CHST11: variants seen among roughly 807,000 people sequenced by gnomAD.
CHST11 encodes the protein C4S-1.
Under a neutral mutation model 30.4 loss-of-function variants are expected in CHST11, and 9 were observed. That is an observed-to-expected ratio of 0.30 (90% CI 0.18 to 0.52). The LOEUF (loss-of-function observed/expected upper bound fraction) is 0.52. Among genes scored for constraint, CHST11 ranks in the 20% least tolerant of loss-of-function variants. CHST11 has a pLI of 0.97. For synonymous variants in CHST11, 152 were observed against 187.8 expected, an observed-to-expected ratio of 0.81 and a Z score of 1.56; for missense variants, 348 against 460.6, an observed-to-expected ratio of 0.76 and a Z score of 2.24.
chr12:104,518,896 C>T (rs539296760), intron 1 of CHST11, among the ~76,000 whole-genome samples: 1 of 151,708 alleles, frequency 6.6e-6, no homozygotes, highest in South Asian at 2.1e-4. Context: ...TAAGTCCTTT[C>T]ATCTTTGAAA....
intron 2 of CHST11, among the ~76,000 whole-genome samples, chr12:104,746,626 A>G (rs2040390673): frequency 6.6e-6 from 1 of 152,076 alleles, no homozygotes; most frequent in African/African-American, 2.4e-5. Context: ...TTCTGCAGAG[A>G]TTCAGTTGTT....
At chr12:104,700,593 G>C (rs1358262744) in intron 2 of CHST11, among the ~76,000 whole-genome samples, 2 of 152,152 alleles carry the variant, frequency 1.3e-5, no homozygotes, top group Admixed American at 1.3e-4. Flanking sequence ...TGTGTAAGAT[G>C]GGAGGGTTAT....
At chr12:104,684,527 GT>G (rs1021855674) in intron 2 of CHST11, among the ~76,000 whole-genome samples, 5 of 152,204 alleles carry the variant, frequency 3.3e-5, no homozygotes, top group African/African-American at 1.2e-4. Context: ...CCTTTGTTTT[GT>G]TTGATATGGT....
chr12:104,471,583 G>A (rs895661240), intron 1 of CHST11, among the ~76,000 whole-genome samples: 5 of 152,144 alleles, frequency 3.3e-5, no homozygotes, highest in African/African-American at 9.7e-5. Flanking sequence ...GGTTTGCAAC[G>A]GGAGGGTCTG....
intron 2 of CHST11, among the ~76,000 whole-genome samples, chr12:104,753,508 A>G (rs566326628): frequency 2.1e-4 from 32 of 152,344 alleles, no homozygotes; most frequent in Admixed American, 3.9e-4. Context: ...GCCTAGTGTC[A>G]CTTATACTTG....
rs184221502 is a variant in CHST11 at position 104,530,122 on chromosome 12, A to G, written c.119-71784A>G. Among the ~76,000 whole-genome samples, 7 of 152,250 alleles carry G rather than the reference A, an allele frequency of 4.6e-5. No homozygotes were observed. In the East Asian group the frequency reaches 1.2e-3, roughly 25 times the overall value. The stretch of plus-strand genomic sequence containing the variant: ...TGCTGTGAGCCGAGATTGCGCCATT[A>G]TAGTTGAGCCTGGGAGACAGAGTGA... On this transcript the variant is annotated intron_variant, in intron 1 of 2. Transcript: ENST00000303694.
intron 1 of CHST11, among the ~76,000 whole-genome samples, chr12:104,535,732 C>G (rs1337007503): frequency 1.3e-5 from 2 of 152,178 alleles, no homozygotes; most frequent in Non-Finnish European, 2.9e-5. Context: ...TTCATTTAAC[C>G]AGAGCTAACC....
chr12:104,537,898 G>C (rs1186343297), intron 1 of CHST11, among the ~76,000 whole-genome samples: 1 of 151,954 alleles, frequency 6.6e-6, no homozygotes, highest in East Asian at 1.9e-4. Context: ...GTCTTGCTCT[G>C]TTGCCTAGGC....
At chr12:104,702,629 C>T (rs2039998661) in intron 2 of CHST11, among the ~76,000 whole-genome samples, 1 of 152,148 alleles carries the variant, frequency 6.6e-6, no homozygotes, top group African/African-American at 2.4e-5. Context: ...CCCTTTGTCC[C>T]AGTGGTTGAG....
At chr12:104,557,317 C>G (rs796656799) in intron 1 of CHST11, among the ~76,000 whole-genome samples, 7 of 152,212 alleles carry the variant, frequency 4.6e-5, no homozygotes, top group Non-Finnish European at 8.8e-5. Flanking sequence ...CGCTCATCAC[C>G]AGCTGGGAAC....
At chr12:104,563,166 G>A (rs150107414) in intron 1 of CHST11, among the ~76,000 whole-genome samples, 2 of 152,158 alleles carry the variant, frequency 1.3e-5, no homozygotes, top group East Asian at 1.9e-4. Context: ...TCAGCCTCCC[G>A]AGTAGCTGGG....
chr12:104,696,082 G>A (rs2039941934), intron 2 of CHST11, among the ~76,000 whole-genome samples: 1 of 152,074 alleles, frequency 6.6e-6, no homozygotes, highest in Non-Finnish European at 1.5e-5. Flanking sequence ...AACCCCAGGG[G>A]AGCCTCCTAG....
chr12:104,629,227 C>CT (rs1324700353), intron 2 of CHST11, among the ~76,000 whole-genome samples: 1 of 152,204 alleles, frequency 6.6e-6, no homozygotes, highest in Non-Finnish European at 1.5e-5. Flanking sequence ...CGACAACATA[C>CT]TTTTTTTAAA....
chr12:104,706,040 T>G (rs2040030442), intron 2 of CHST11, among the ~76,000 whole-genome samples: 1 of 151,956 alleles, frequency 6.6e-6, no homozygotes, highest in African/African-American at 2.4e-5. Context: ...GAGCTGTGAT[T>G]GCACCACTGC....
intron 2 of CHST11, among the ~76,000 whole-genome samples, chr12:104,637,444 A>G (rs911149404): frequency 1.3e-5 from 2 of 151,866 alleles, no homozygotes; most frequent in African/African-American, 4.8e-5. Flanking sequence ...TATGTAACAA[A>G]CCTGCACGTT....
chr12:104,606,627 C>T (rs1196606250), intron 2 of CHST11, among the ~76,000 whole-genome samples: 6 of 152,160 alleles, frequency 3.9e-5, no homozygotes, highest in African/African-American at 1.4e-4. Flanking sequence ...GAGGCTGGTG[C>T]TTTATTTTTC....
At chr12:104,511,651 A>C (rs2037966988) in intron 1 of CHST11, among the ~76,000 whole-genome samples, 1 of 152,184 alleles carries the variant, frequency 6.6e-6, no homozygotes, top group East Asian at 1.9e-4. Flanking sequence ...TTTTCTGGTC[A>C]ATGGAAGGGA....
chr12:104,667,906 C>A (rs2039656547), intron 2 of CHST11, among the ~76,000 whole-genome samples: 1 of 152,192 alleles, frequency 6.6e-6, no homozygotes, highest in African/African-American at 2.4e-5. Flanking sequence ...CCCATGAGTT[C>A]ATGGTTTTTA....
intron 2 of CHST11, among the ~76,000 whole-genome samples, chr12:104,619,591 G>A (rs1379381884): frequency 1.3e-5 from 2 of 152,064 alleles, no homozygotes; most frequent in African/African-American, 4.8e-5. Context: ...AGAATGATTC[G>A]GGGTCTCTTT....
Sources: allele counts gnomAD v4.1 joint callset (sites outside exome capture counted in the v4.1 genomes callset), GRCh38; gene constraint gnomAD v4.1.1; transcripts MANE v1.5; gene names NCBI Gene and HGNC (gene_info 2026-07-23, HGNC 2026-07-21).